Variants in TIAM2 observed in about 807,000 individuals in gnomAD.
TIAM2 encodes TIAM Rac1 associated GEF 2, also known as rho guanine nucleotide exchange factor TIAM2.
A neutral mutation model predicts 152.9 loss-of-function variants in TIAM2; 80 were observed. That is an observed-to-expected ratio of 0.52 (90% CI 0.44 to 0.63). The LOEUF (loss-of-function observed/expected upper bound fraction) is 0.63, where lower values mean the gene tolerates loss of function less well. Among genes scored for constraint, TIAM2 ranks in the 30% least tolerant of loss-of-function variants. The pLI is 0.00. For synonymous variants in TIAM2, 804 were observed against 838.0 expected (o/e 0.96, Z 0.70); for missense variants, 1,965 against 2,120.1 (o/e 0.93, Z 1.44).
intron 14 of TIAM2, among the ~76,000 whole-genome samples, chr6:155,192,247 A>G (rs1562348827): frequency 2.0e-5 from 3 of 152,186 alleles, no homozygotes; most frequent in Admixed American, 6.5e-5. Context: ...TGATTTTCAG[A>G]ACTGTAAGGT....
intron 4 of TIAM2, among the ~76,000 whole-genome samples, chr6:155,134,907 GT>G (rs1320503748): frequency 6.6e-6 from 1 of 151,952 alleles, no homozygotes; most frequent in African/African-American, 2.4e-5. Context: ...GGGTTTCACC[GT>G]GTTAGCCAGG....
At chr6:155,220,870 C>A (rs1221903099) in intron 15 of TIAM2, among the ~76,000 whole-genome samples, 1 of 152,092 alleles carries the variant, frequency 6.6e-6, no homozygotes, top group Non-Finnish European at 1.5e-5. Flanking sequence ...CACCCATCAA[C>A]CCATCATCTA....
intron 1 of TIAM2, among the ~76,000 whole-genome samples, chr6:155,071,664 A>G (rs6931393): frequency 0.59 from 89,457 of 151,944 alleles, 26,535 homozygotes; most frequent in African/African-American, 0.66. Flanking sequence ...GAGCACTTTC[A>G]GAGGCCGATC....
intron 2 of TIAM2, among the ~76,000 whole-genome samples, chr6:155,099,482 C>G (rs764499822): frequency 1.2e-4 from 18 of 152,008 alleles, no homozygotes; most frequent in Middle Eastern, 3.2e-3. Flanking sequence ...AAAAATTTAT[C>G]TTGTTCTTCA....
chr6:155,043,794 A>G (rs1777099793), intron 1 of TIAM2, among the ~76,000 whole-genome samples: 1 of 151,972 alleles, frequency 6.6e-6, no homozygotes, highest in East Asian at 1.9e-4. Flanking sequence ...AAGCCCATCA[A>G]TTTCTTGCAG....
At chr6:155,161,775 A>G (rs1780279021) in intron 7 of TIAM2, among the ~76,000 whole-genome samples, 2 of 150,500 alleles carry the variant, frequency 1.3e-5, no homozygotes, top group African/African-American at 4.9e-5. Context: ...ATGGGGTTTC[A>G]CCATGTTGGT....
At chr6:155,164,982 A>T (rs3818782) in intron 8 of TIAM2, among the ~76,000 whole-genome samples, 20,990 of 152,004 alleles carry the variant, frequency 0.14, 1,518 homozygotes, top group African/African-American at 0.18. Flanking sequence ...TTGAAGTCGT[A>T]CCCATTTTGG....
chr6:155,182,178 C>A, intron 12 of TIAM2, 48 bp from the exon 13 acceptor site: 1 of 1,499,552 alleles, frequency 6.7e-7, no homozygotes, highest in Non-Finnish European at 9.3e-7. Context: ...TGGAGAAATT[C>A]AGTGTGGTGG....
At chr6:155,188,988 C>T (rs1583238816) in intron 14 of TIAM2, among the ~76,000 whole-genome samples, 1 of 152,146 alleles carries the variant, frequency 6.6e-6, no homozygotes, top group Non-Finnish European at 1.5e-5. Context: ...CCTCCACGCC[C>T]CCTTTGAATC....
intron 14 of TIAM2, among the ~76,000 whole-genome samples, chr6:155,191,749 T>G (rs192524758): frequency 6.6e-6 from 1 of 152,008 alleles, no homozygotes; most frequent in Admixed American, 6.5e-5. Context: ...GAGCCAAGAT[T>G]GCGCCACTGC....
chr6:155,100,054 G>A (rs573821606), intron 2 of TIAM2, among the ~76,000 whole-genome samples: 27 of 149,728 alleles, frequency 1.8e-4, no homozygotes, highest in African/African-American at 6.6e-4. Context: ...GTCTGTCGTC[G>A]GCTATTACAC....
At chr6:155,147,907 A>G (rs558601638) in intron 6 of TIAM2, among the ~76,000 whole-genome samples, 1 of 152,312 alleles carries the variant, frequency 6.6e-6, no homozygotes, top group Non-Finnish European at 1.5e-5. Context: ...TCAGAGCTCC[A>G]TGATGCTTTC....
intron 2 of TIAM2, among the ~76,000 whole-genome samples, chr6:155,104,058 C>CCCACACA (rs1778620589): frequency 1.7e-5 from 1 of 60,320 alleles, no homozygotes; most frequent in African/African-American, 7.6e-5. Context: ...CCCCACACCC[C>CCCACACA]CACACACCCC....
chr6:155,225,238 G>A (rs905451503), intron 15 of TIAM2, among the ~76,000 whole-genome samples: 1 of 152,204 alleles, frequency 6.6e-6, no homozygotes, highest in Non-Finnish European at 1.5e-5. Flanking sequence ...TTACAGGCAT[G>A]AGCCAATGCA....
intron 1 of TIAM2, among the ~76,000 whole-genome samples, chr6:155,089,406 C>T (rs1177208264): frequency 2.6e-5 from 4 of 152,138 alleles, no homozygotes; most frequent in East Asian, 1.9e-4. Flanking sequence ...GGGGTTTCAC[C>T]GTACTGGCCA....
intron 2 of TIAM2, among the ~76,000 whole-genome samples, chr6:155,119,561 A>G (rs1396643023): frequency 6.6e-6 from 1 of 151,650 alleles, no homozygotes; most frequent in African/African-American, 2.4e-5. Flanking sequence ...CTGGTCTCAA[A>G]CTCCTGTCCT....
chr6:155,197,273 G>A (rs1448603681), intron 14 of TIAM2, among the ~76,000 whole-genome samples: 2 of 152,180 alleles, frequency 1.3e-5, no homozygotes, highest in Non-Finnish European at 2.9e-5. Context: ...ATCTAATTCT[G>A]TCTTTCATGT....
chr6:155,037,297 C>T (rs1283899412), intron 1 of TIAM2, among the ~76,000 whole-genome samples: 2 of 152,098 alleles, frequency 1.3e-5, no homozygotes, highest in African/African-American at 2.4e-5. Flanking sequence ...GCATAACTAG[C>T]GTATAGAAGG....
intron 26 of TIAM2, chr6:155,256,206 A>G: frequency 1.8e-6 from 1 of 566,066 alleles, no homozygotes; most frequent in South Asian, 2.3e-5. Flanking sequence ...TAAGAATCTT[A>G]GCCCATGTAG....
Sources: allele counts gnomAD v4.1 joint callset (sites outside exome capture counted in the v4.1 genomes callset), GRCh38; gene constraint gnomAD v4.1.1; transcripts MANE v1.5; gene names NCBI Gene and HGNC (gene_info 2026-07-23, HGNC 2026-07-21).